LCT: variants seen among roughly 807,000 people sequenced by gnomAD.
LCT encodes lactase.
A neutral mutation model predicts 173.0 loss-of-function variants in LCT; 90 were observed. The ratio of observed to expected loss-of-function variants is 0.52; its 90% CI spans 0.44 to 0.62. LCT has a LOEUF of 0.62. Among genes scored for constraint, LCT ranks in the 20% least tolerant of loss-of-function variants. The pLI is 0.00. For synonymous variants in LCT, 853 were observed against 957.6 expected, an observed-to-expected ratio of 0.89 and a Z score of 2.02; for missense variants, 1,864 against 2,431.4, an observed-to-expected ratio of 0.77 and a Z score of 4.91.
chr2:135,817,899 A>G lies in LCT; in HGVS notation c.1149T>C (p.Pro383=). 1.9e-6 allele frequency: 3 copies of G among 1,613,896 alleles called. No homozygotes were observed. The highest frequency in any genetic ancestry group is 1.3e-5 in the African/African-American group (1 of 75,010). ...ERDAFLQDTF[P]EGFLWGASTG... ...TGGAGGCACCCCAGAGGAAGCCTTC[A>G]GGGAAAGTATCCTGCAGGAAGGCAT... The change falls in exon 6 of 17, where the codon CCT becomes CCC. Residue 383 remains proline (P), a synonymous_variant. Transcript: ENST00000264162.
chr2:135,797,736 G>C (rs1171251972), intron 13 of LCT, among the ~76,000 whole-genome samples: 1 of 152,200 alleles, frequency 6.6e-6, no homozygotes, highest in African/African-American at 2.4e-5. Flanking sequence ...CACACGTGCG[G>C]TGATGAAATA....
intron 13 of LCT, among the ~76,000 whole-genome samples, chr2:135,797,704 G>C (rs2077593897): frequency 6.6e-6 from 1 of 152,160 alleles, no homozygotes; most frequent in African/African-American, 2.4e-5. Context: ...ACGCCTGACT[G>C]TCAGCCACTG....
At position 135,812,728 on chromosome 2, in the gene LCT, T is replaced by A; in HGVS notation, c.1936A>T (p.Arg646Trp). ...FVDGDYPATL[R>W]TQIQQMNRQC... Reference sequence around the variant, plus strand: ...CTGTTCATCTGTTGGATCTGGGTCCTCAGGGTGGCTGGGTAGTCTCCATCC... The same window carrying A: ...CTGTTCATCTGTTGGATCTGGGTCCACAGGGTGGCTGGGTAGTCTCCATCC... Residue 646 changes from arginine (R) to tryptophan (W), a missense_variant, in exon 7 of 17, where the codon AGG becomes TGG. By Grantham distance (101) the Arg-to-Trp change is moderately radical. This residue lies in a region of LCT where 755 missense variants were observed against 926.3 expected (regional missense o/e 0.82). Coordinates refer to ENST00000264162, the MANE Select transcript of LCT (RefSeq NM_002299.4). The A allele has an allele frequency of 1.2e-6, 2 of 1,614,204 alleles. No individual in the cohort carries two copies. The highest frequency in any genetic ancestry group is 2.7e-5 in the African/African-American group (2 of 75,048).
chr2:135,821,018 A>C (rs905835534), intron 5 of LCT, among the ~76,000 whole-genome samples: 35 of 151,808 alleles, frequency 2.3e-4, no homozygotes, highest in African/African-American at 8.0e-4. Flanking sequence ...GTAGCTGGGA[A>C]TACAGGCGCC....
chr2:135,791,644 G>A (rs2077534034), intron 14 of LCT, among the ~76,000 whole-genome samples: 1 of 152,236 alleles, frequency 6.6e-6, no homozygotes, highest in South Asian at 2.1e-4. Context: ...AAGCACTAGT[G>A]GAGGTCTTCC....
chr2:135,800,540 C>A (rs2077616750), intron 12 of LCT, 67 bp downstream of exon 12: 1 of 1,306,878 alleles, frequency 7.7e-7, no homozygotes, highest in South Asian at 1.2e-5. Flanking sequence ...GATTCACAAT[C>A]TGTTTCCATT....
rs180821420 is a variant in LCT, at chr2:135,828,170, G to C, written c.804+1423C>G. On this transcript the variant is annotated intron_variant, in intron 3 of 16. Coordinates refer to ENST00000264162, the MANE Select transcript of LCT (RefSeq NM_002299.4). ...CTCCCAAGTAGCTGAGACTACAGGTGCGTGCCACCACACCCATCTAATTTT... is the reference window on the plus strand; with the variant it reads ...CTCCCAAGTAGCTGAGACTACAGGTCCGTGCCACCACACCCATCTAATTTT... Among the ~76,000 whole-genome samples the C allele has an allele frequency of 2.0e-3, 306 of 152,254 alleles. 1 individual carries two copies. The highest frequency in any genetic ancestry group is 7.1e-3 in the African/African-American group (293 of 41,556).
rs1353835855 is a variant in LCT, at chr2:135,790,859, G to A, written c.5134C>T (p.Arg1712Cys). The A allele has an allele frequency of 2.5e-6, 4 of 1,614,054 alleles. No homozygotes were observed. The highest frequency in any genetic ancestry group is 1.1e-5 in the South Asian group (1 of 91,076). Residue 1712 changes from arginine to cysteine, a missense_variant, in exon 15 of 17, where the codon CGC becomes TGC. Around this residue, in one of 4 missense-constraint regions of LCT, gnomAD observed 514 missense variants for 750.1 expected, o/e 0.69. Transcript: ENST00000264162. This position sits in a 1 kb window ranked among gnomAD's most constrained non-coding sequence, Gnocchi z 4.1. ...AAGGAGCCAGAGTCTGGCCACGAGC[G>A]ATCTGCGATGGAAGCAACTCCTCTA... ...ADRGVASIAD[R>C]SWPDSGSFWL...
At chr2:135,802,137 G>A (rs1008867842) in intron 11 of LCT, among the ~76,000 whole-genome samples, 8 of 152,160 alleles carry the variant, frequency 5.3e-5, no homozygotes, top group South Asian at 4.1e-4. Context: ...CCAAAGGGGC[G>A]AACTAGGACC....
Position 135,809,732 on chromosome 2 carries a change from A to G in LCT, c.2615T>C (p.Phe872Ser). The change falls in exon 8 of 17, where the codon TTT (phenylalanine) becomes TCT (serine). Residue 872 changes from phenylalanine to serine, a missense_variant. By Grantham distance (155) the Phe-to-Ser change is radical (BLOSUM62 -2). Transcript: ENST00000264162. The surrounding 1 kb of genome is among the most constrained non-coding windows in gnomAD (Gnocchi z 5.5). ...AGCCTTGGAGGGCACCTCAGATGGA[A>G]AAGTGAAGGCTCTGACTTTGGAGGG... Reference protein sequence around the residue: ...NLPSKVRAFTFPSEVPSKAKV... With the variant: ...NLPSKVRAFTSPSEVPSKAKV... 1 of 1,614,242 alleles carries G rather than the reference A, an allele frequency of 6.2e-7. No homozygotes were observed. The highest frequency in any genetic ancestry group is 8.5e-7 in the Non-Finnish European group (1 of 1,180,042).
At chr2:135,829,570 AT>A in intron 3 of LCT, 22 bp downstream of exon 3, 1 of 1,567,098 alleles carries the variant, frequency 6.4e-7, no homozygotes, top group Non-Finnish European at 8.8e-7. Flanking sequence ...TTCATCATTA[AT>A]GTGGAAAAGG....
intron 15 of LCT, 99 bp from the exon 16 acceptor site, chr2:135,789,897 G>A (rs756373932): frequency 4.5e-5 from 41 of 907,740 alleles, no homozygotes; most frequent in African/African-American, 3.1e-4. Context: ...TCTCCCCACC[G>A]CCTTCACAGA....
intron 1 of LCT, among the ~76,000 whole-genome samples, chr2:135,833,821 T>G (rs1283023143): frequency 2.0e-5 from 3 of 152,144 alleles, no homozygotes; most frequent in African/African-American, 7.2e-5. Flanking sequence ...TCTCCAGAAC[T>G]TTTTCATTTT....
intron 11 of LCT, among the ~76,000 whole-genome samples, chr2:135,802,958 A>G (rs2077639575): frequency 6.6e-6 from 1 of 152,028 alleles, no homozygotes; most frequent in Admixed American, 6.6e-5. Flanking sequence ...CTAAAAATAC[A>G]AAAATTAGCT....
At chr2:135,804,627 G>A (rs2077653148) in intron 10 of LCT, 140 bp downstream of exon 10, 5 of 847,930 alleles carry the variant, frequency 5.9e-6, no homozygotes, top group South Asian at 4.9e-5. Flanking sequence ...GTGACAGAGC[G>A]AGACTACGTC....
At position 135,809,242 on chromosome 2, in the gene LCT, A is replaced by G. The variant is rs201277780; in HGVS notation, c.3105T>C (p.Asn1035=). 4.3e-6 allele frequency: 7 copies of G among 1,614,224 alleles called. No individual in the cohort carries two copies. In the Admixed American group the frequency reaches 1.0e-4, roughly 23 times the overall value. Reference sequence around the variant, plus strand: ...TGTCAAACAAGTCAATCAAGGCAGGATTCTCCCAGCCTCCGATATCCTGGA... The same window carrying G: ...TGTCAAACAAGTCAATCAAGGCAGGGTTCTCCCAGCCTCCGATATCCTGGA... The part of the protein sequence containing the change: ...QALQDIGGWE[N]PALIDLFDSY... Residue 1035 remains asparagine, a synonymous_variant, in exon 8 of 17, where the codon AAT becomes AAC. Transcript: ENST00000264162. This position sits in a 1 kb window ranked among gnomAD's most constrained non-coding sequence, Gnocchi z 5.5.
At position 135,789,600 on chromosome 2, in the gene LCT, G is replaced by A; in HGVS notation, c.5534C>T (p.Thr1845Ile). The change falls in exon 16 of 17, where the codon ACA (threonine) becomes ATA (isoleucine). Residue 1845 changes from threonine (T) to isoleucine (I), a missense_variant. Coordinates refer to ENST00000264162, the MANE Select transcript of LCT (RefSeq NM_002299.4). ...VRCNGFPDPA[T>I]GPHACLHQPD... is the part of the protein sequence containing the mutation. ...CTGGTGGAGACAAGCGTGAGGCCCT[G>A]TAGCGGGGTCAGGGAAGCCATTGCA... is the stretch of plus-strand genomic sequence containing the variant. 4.3e-6 allele frequency: 7 copies of A among 1,614,002 alleles called. No individual in the cohort carries two copies. The highest frequency in any genetic ancestry group is 5.9e-6 in the Non-Finnish European group (7 of 1,179,966).
chr2:135,790,998 G>T lies in LCT; in HGVS notation c.5112-117C>A. On this transcript the variant is annotated intron_variant, in intron 14 of 16. Transcript: ENST00000264162. The surrounding 1 kb of genome is among the most constrained non-coding windows in gnomAD (Gnocchi z 4.1). The stretch of plus-strand genomic sequence containing the variant: ...AGCCTTAGGTTTTGTCTAGCCTTAA[G>T]AATCATACTAAACCCAGAAGAATCA... 1.3e-6 allele frequency: 1 copy of T among 786,394 alleles called. No individual in the cohort carries two copies. Among genetic ancestry groups the T allele is most frequent in the Non-Finnish European group, 2.2e-6 (1 of 453,328 alleles). 48.7% of individuals were successfully genotyped at this position (786,394 alleles called of 1,614,324 possible). A position where few individuals can be genotyped will look rare whatever the true frequency, so the allele number is the denominator to read the frequency against.
At chr2:135,819,539 G>C (rs913240933) in intron 5 of LCT, among the ~76,000 whole-genome samples, 2 of 152,162 alleles carry the variant, frequency 1.3e-5, no homozygotes, top group Non-Finnish European at 2.9e-5. Flanking sequence ...TGGGAGAAGT[G>C]ACAGGAACAC....
Sources: gnomAD v4.1 joint callset for allele counts (sites outside exome capture counted in the v4.1 genomes callset) on GRCh38, gnomAD v4.1.1 for gene constraint, gnomAD v4.1.1 regional missense constraint, Gnocchi (gnomAD v3.1) non-coding constraint, MANE v1.5 for transcripts, NCBI Gene and HGNC (gene_info 2026-07-23, HGNC 2026-07-21) for gene names.